Variants in FTO observed in about 807,000 individuals in gnomAD.
FTO encodes alpha-ketoglutarate-dependent dioxygenase FTO.
Under a neutral mutation model 63.9 loss-of-function variants are expected in FTO, and 47 were observed. The observed-to-expected ratio is 0.74, with a 90% CI of 0.58 to 0.94. The LOEUF (loss-of-function observed/expected upper bound fraction) is 0.94. Ranked by LOEUF, FTO falls within the 40% of genes least tolerant of loss-of-function variation. The pLI is 0.00. For missense variants in FTO, 562 were observed against 618.1 expected (o/e 0.91, Z 0.96); for synonymous variants, 207 against 224.4 (o/e 0.92, Z 0.69).
At chr16:54,017,060 A>G (rs1263162081) in intron 8 of FTO, among the ~76,000 whole-genome samples, 1 of 152,234 alleles carries the variant, frequency 6.6e-6, no homozygotes, top group African/African-American at 2.4e-5. Flanking sequence ...TTGATGATGC[A>G]GTAAATCATG....
chr16:53,885,142 C>T (rs980095961), intron 6 of FTO, among the ~76,000 whole-genome samples: 9 of 152,146 alleles, frequency 5.9e-5, no homozygotes, highest in South Asian at 2.1e-4. Flanking sequence ...CTGTATTTTG[C>T]GTTCTGACTC....
intron 1 of FTO, among the ~76,000 whole-genome samples, chr16:53,746,185 A>G (rs910530847): frequency 4.6e-5 from 7 of 152,190 alleles, no homozygotes; most frequent in Non-Finnish European, 1.0e-4. Context: ...AGTTCTAGCC[A>G]ATGACGTGGA....
At chr16:53,989,290 C>A (rs1186566879) in intron 8 of FTO, among the ~76,000 whole-genome samples, 1 of 152,078 alleles carries the variant, frequency 6.6e-6, no homozygotes, top group Non-Finnish European at 1.5e-5. Flanking sequence ...TGGCCTGTTA[C>A]AATAGTTAAG....
intron 8 of FTO, among the ~76,000 whole-genome samples, chr16:54,036,057 C>G (rs2084933939): frequency 6.6e-6 from 1 of 152,130 alleles, no homozygotes; most frequent in Non-Finnish European, 1.5e-5. Flanking sequence ...TCCTTGCCTC[C>G]TTCCCCTGAG....
intron 1 of FTO, among the ~76,000 whole-genome samples, chr16:53,747,136 T>C (rs1303173367): frequency 6.6e-6 from 1 of 152,238 alleles, no homozygotes; most frequent in Non-Finnish European, 1.5e-5. Flanking sequence ...ATTCCATAAG[T>C]TGAATAGTGC....
At chr16:53,806,613 C>T (rs12149574) in intron 1 of FTO, among the ~76,000 whole-genome samples, 1 of 151,938 alleles carries the variant, frequency 6.6e-6, no homozygotes, top group Admixed American at 6.6e-5. Flanking sequence ...TTCCACTGTC[C>T]CCTGTGGCTG....
chr16:53,880,937 TAAAA>T (rs34062544), intron 6 of FTO, among the ~76,000 whole-genome samples: 2 of 67,680 alleles, frequency 3.0e-5, no homozygotes, highest in African/African-American at 5.7e-5. Context: ...CCGTCTCTAC[TAAAA>T]AAAAAAAAAA....
chr16:53,753,264 A>AC (rs1056545715), intron 1 of FTO, among the ~76,000 whole-genome samples: 17 of 151,542 alleles, frequency 1.1e-4, no homozygotes, highest in African/African-American at 2.7e-4. Context: ...AAAAAAAAAA[A>AC]AAAACAAAAC....
At chr16:54,014,743 A>AT (rs781300464) in intron 8 of FTO, among the ~76,000 whole-genome samples, 2 of 151,548 alleles carry the variant, frequency 1.3e-5, no homozygotes, top group Non-Finnish European at 2.9e-5. Context: ...TTCTCATGTC[A>AT]TTTGCACACG....
intron 1 of FTO, among the ~76,000 whole-genome samples, chr16:53,726,738 C>T (rs1337862783): frequency 6.6e-6 from 1 of 152,224 alleles, no homozygotes; most frequent in Non-Finnish European, 1.5e-5. Flanking sequence ...TGCTGCTTCA[C>T]AATAGGCAGT....
intron 1 of FTO, among the ~76,000 whole-genome samples, chr16:53,754,184 T>C (rs527837794): frequency 1.3e-5 from 2 of 152,178 alleles, no homozygotes; most frequent in Non-Finnish European, 2.9e-5. Flanking sequence ...TCATGAATGG[T>C]ATGGCATTTT....
intron 7 of FTO, among the ~76,000 whole-genome samples, chr16:53,898,640 G>T (rs1417640923): frequency 1.3e-5 from 2 of 152,176 alleles, no homozygotes; most frequent in Admixed American, 1.3e-4. Context: ...TGAGGTCTGT[G>T]TTCTAGTCCT....
intron 1 of FTO, among the ~76,000 whole-genome samples, chr16:53,721,589 A>G (rs2076042366): frequency 6.6e-6 from 1 of 152,150 alleles, no homozygotes; most frequent in Non-Finnish European, 1.5e-5. Context: ...AATTGTATCA[A>G]GTAAGTCTCT....
chr16:53,979,500 T>A (rs1300682251), intron 8 of FTO: 11 of 398,244 alleles, frequency 2.8e-5, no homozygotes, highest in South Asian at 1.3e-4. Flanking sequence ...AATTTCTTTA[T>A]CACTACTGTG....
intron 1 of FTO, among the ~76,000 whole-genome samples, chr16:53,753,138 A>G (rs2076838233): frequency 6.6e-6 from 1 of 151,832 alleles, no homozygotes; most frequent in Non-Finnish European, 1.5e-5. Context: ...ATGTAGTCCC[A>G]GCTACTCAGG....
chr16:54,079,342 G>C (rs531525335), intron 8 of FTO, among the ~76,000 whole-genome samples: 2 of 152,286 alleles, frequency 1.3e-5, no homozygotes, highest in East Asian at 3.9e-4. Context: ...AACTGGCATC[G>C]TCCTACGTTT....
chr16:53,783,604 TA>T (rs753810468), intron 1 of FTO, among the ~76,000 whole-genome samples: 49 of 68,130 alleles, frequency 7.2e-4, no homozygotes, highest in Admixed American at 2.7e-3. Flanking sequence ...CAAGACTCCA[TA>T]AAAAAAAAAA....
chr16:53,923,560 G>A (rs1371884318), intron 7 of FTO, among the ~76,000 whole-genome samples: 1 of 152,192 alleles, frequency 6.6e-6, no homozygotes, highest in South Asian at 2.1e-4. Context: ...AGGGGCAGTG[G>A]GGTTGCAGGC....
At chr16:53,826,961 A>G (rs1004970466) in intron 3 of FTO, among the ~76,000 whole-genome samples, 2 of 152,176 alleles carry the variant, frequency 1.3e-5, no homozygotes, top group African/African-American at 4.8e-5. Context: ...GGTTGACATC[A>G]CTATCTTGAT....
Sources: allele counts gnomAD v4.1 joint callset (sites outside exome capture counted in the v4.1 genomes callset), GRCh38; gene constraint gnomAD v4.1.1; transcripts MANE v1.5; gene names NCBI Gene and HGNC (gene_info 2026-07-23, HGNC 2026-07-21).